The following STIM1 variants were observed in gnomAD, a reference collection of about 807,000 sequenced individuals.
The protein encoded by STIM1 is stromal interaction molecule 1.
Under a neutral mutation model 74.7 loss-of-function variants are expected in STIM1, and 25 were observed. The ratio of observed to expected loss-of-function variants is 0.33; its 90% CI spans 0.24 to 0.47. The LOEUF (loss-of-function observed/expected upper bound fraction) is 0.47. Among genes scored for constraint, STIM1 ranks in the 20% least tolerant of loss-of-function variants. The pLI is 1.00. For missense variants in STIM1, 728 were observed against 920.8 expected, an observed-to-expected ratio of 0.79 and a Z score of 2.71; for synonymous variants, 328 against 348.8, an observed-to-expected ratio of 0.94 and a Z score of 0.66.
intron 3 of STIM1, among the ~76,000 whole-genome samples, chr11:4,042,523 C>G (rs575952329): frequency 6.6e-6 from 1 of 152,270 alleles, no homozygotes; most frequent in East Asian, 1.9e-4. Flanking sequence ...AGAGTGGTGC[C>G]TGGCAAGTAG....
At chr11:4,014,207 A>G (rs925066113) in intron 2 of STIM1, among the ~76,000 whole-genome samples, 1 of 152,122 alleles carries the variant, frequency 6.6e-6, no homozygotes, top group Non-Finnish European at 1.5e-5. Context: ...ATTTCCCTCT[A>G]CACACTGTTT....
At chr11:3,978,674 T>C (rs1264124647) in intron 2 of STIM1, among the ~76,000 whole-genome samples, 1 of 151,918 alleles carries the variant, frequency 6.6e-6, no homozygotes, top group African/African-American at 2.4e-5. Flanking sequence ...GGCATGAGAA[T>C]CACCTGAACC....
chr11:3,883,229 C>G (rs188668008), intron 1 of STIM1, among the ~76,000 whole-genome samples: 1 of 152,106 alleles, frequency 6.6e-6, no homozygotes, highest in African/African-American at 2.4e-5. Context: ...TATAATTGTT[C>G]CTCAAGACTC....
chr11:4,069,944 A>G, intron 5 of STIM1, 82 bp from the exon 6 acceptor site: 2 of 1,499,434 alleles, frequency 1.3e-6, no homozygotes, highest in Non-Finnish European at 9.3e-7. Context: ...GGAAGGCTTC[A>G]TAGAGGAGGG....
At chr11:4,021,965 TA>T (rs1020295829) in intron 2 of STIM1, among the ~76,000 whole-genome samples, 47 of 152,132 alleles carry the variant, frequency 3.1e-4, no homozygotes, top group Admixed American at 2.3e-3. Context: ...GGATTTTTTT[TA>T]ATTTCTTTTT....
intron 2 of STIM1, among the ~76,000 whole-genome samples, chr11:4,000,310 G>A (rs1042362318): frequency 2.8e-4 from 42 of 150,306 alleles, no homozygotes; most frequent in Non-Finnish European, 3.8e-4. Context: ...CCCGACCCCC[G>A]AGCAGCCTAA....
chr11:3,994,817 G>A (rs2093648957), intron 2 of STIM1, among the ~76,000 whole-genome samples: 1 of 151,974 alleles, frequency 6.6e-6, no homozygotes, highest in Non-Finnish European at 1.5e-5. Flanking sequence ...CTGAGGCTCT[G>A]TTCATTTTTC....
chr11:3,882,924 T>C, intron 1 of STIM1, among the ~76,000 whole-genome samples: 1 of 152,226 alleles, frequency 6.6e-6, no homozygotes, highest in East Asian at 1.9e-4. Flanking sequence ...TCTCTAATGA[T>C]ATTGATCATC....
chr11:4,086,513 C>T lies in STIM1; in HGVS notation c.1604C>T (p.Thr535Met), dbSNP rs146873551. 4.9e-4 allele frequency: 799 copies of T among 1,614,180 alleles called. 2 individuals are homozygous for T. In the African/African-American group the frequency reaches 7.8e-3, roughly 16 times the overall value. ...CAGAGCAGTGTTCGGCAGCGCCTGACGGAGCCACAGCATGGCCTGGGATCT... is the reference window on the plus strand; with the variant it reads ...CAGAGCAGTGTTCGGCAGCGCCTGATGGAGCCACAGCATGGCCTGGGATCT... Reference protein sequence around the residue: ...SLQSSVRQRLTEPQHGLGSQR... With the variant: ...SLQSSVRQRLMEPQHGLGSQR... Residue 535 changes from threonine to methionine, a missense_variant, in exon 12 of 13, where the codon ACG (threonine) becomes ATG (methionine). Thr to Met is a moderately conservative substitution (Grantham distance 81). This residue lies in a region of STIM1 where 352 missense variants were observed against 370.1 expected (regional missense o/e 0.95). Transcript: ENST00000526596.
intron 2 of STIM1, among the ~76,000 whole-genome samples, chr11:4,022,381 G>A (rs1727817596): frequency 6.7e-6 from 1 of 148,676 alleles, no homozygotes; most frequent in Admixed American, 6.7e-5. Flanking sequence ...TTGTCTGCAT[G>A]CAGGGGCAGT....
At chr11:3,903,970 G>T (rs189162472) in intron 1 of STIM1, among the ~76,000 whole-genome samples, 11 of 152,212 alleles carry the variant, frequency 7.2e-5, no homozygotes, top group African/African-American at 2.6e-4. Flanking sequence ...AGGCTGAGGC[G>T]GGTAGATCAC....
At chr11:3,872,523 CTTTT>C (rs574634847) in intron 1 of STIM1, among the ~76,000 whole-genome samples, 2 of 129,360 alleles carry the variant, frequency 1.5e-5, no homozygotes, top group Admixed American at 7.9e-5. Context: ...TTCTTTTTTT[CTTTT>C]TTTTTTTTTT....
intron 1 of STIM1, among the ~76,000 whole-genome samples, chr11:3,858,509 A>G (rs1296399065): frequency 6.6e-6 from 1 of 152,126 alleles, no homozygotes; most frequent in East Asian, 1.9e-4. Context: ...AGGTTCTAGC[A>G]CTATTGTTGT....
chr11:4,052,711 T>C (rs977729062), intron 3 of STIM1, among the ~76,000 whole-genome samples: 1 of 152,112 alleles, frequency 6.6e-6, no homozygotes, highest in South Asian at 2.1e-4. Flanking sequence ...CCAAAAGCAA[T>C]GGCAACAAAA....
At chr11:3,974,873 G>A (rs1051616393) in intron 2 of STIM1, among the ~76,000 whole-genome samples, 3 of 152,160 alleles carry the variant, frequency 2.0e-5, no homozygotes, top group Admixed American at 2.0e-4. Flanking sequence ...TTAACAGTAT[G>A]AGTTGGGCAG....
chr11:3,895,786 TCC>T lies in STIM1; in HGVS notation c.139+39378_139+39379del, dbSNP rs1202551011. Among the ~76,000 whole-genome samples the T allele has an allele frequency of 3.0e-3, 291 of 95,414 alleles. 29 individuals carry two copies. The highest frequency in any genetic ancestry group is 0.013 in the African/African-American group (211 of 15,860). The allele number at this position is 95,414 out of a possible 152,430, so 62.6% of individuals were successfully genotyped here. On this transcript the variant is annotated intron_variant, in intron 1 of 12. Transcript: ENST00000526596. Reference sequence around the variant, plus strand: ...TTCCTTCCTTCCTTCCTTCCTTCCTTCCTTCCTTCCTTCCTTCCTTTCTTTCC... The same window carrying T: ...TTCCTTCCTTCCTTCCTTCCTTCCTTTTCCTTCCTTCCTTCCTTTCTTTCC...
At chr11:3,975,523 C>G (rs113416658) in intron 2 of STIM1, among the ~76,000 whole-genome samples, 1 of 152,116 alleles carries the variant, frequency 6.6e-6, no homozygotes, top group African/African-American at 2.4e-5. Flanking sequence ...AAGGCTGAGG[C>G]AGGAGAATCG....
At chr11:3,916,170 A>G (rs2092639958) in intron 1 of STIM1, among the ~76,000 whole-genome samples, 2 of 152,138 alleles carry the variant, frequency 1.3e-5, no homozygotes, top group African/African-American at 4.8e-5. Flanking sequence ...TACCTCAAAG[A>G]GTTTTATGGT....
chr11:3,999,659 G>A (rs2093694219), intron 2 of STIM1: 2 of 158,398 alleles, frequency 1.3e-5, no homozygotes, highest in Admixed American at 6.5e-5. Context: ...CGACGCAGTA[G>A]ACGGGTGATT....
Sources: allele counts gnomAD v4.1 joint callset (sites outside exome capture counted in the v4.1 genomes callset), GRCh38; gene constraint gnomAD v4.1.1; regional missense constraint gnomAD v4.1.1; transcripts MANE v1.5; gene names NCBI Gene and HGNC (gene_info 2026-07-23, HGNC 2026-07-21).